Variants in LRIG2 observed in about 807,000 individuals in gnomAD.
The protein encoded by LRIG2 is leucine rich repeats and immunoglobulin like domains 2.
LRIG2 carries 93 observed loss-of-function variants against 107.8 expected under a neutral mutation model. That is an observed-to-expected ratio of 0.86 (90% CI 0.73 to 1.03). The LOEUF (loss-of-function observed/expected upper bound fraction) is 1.03, where lower values mean the gene tolerates loss of function less well. LRIG2 is among the 50% of genes least tolerant of loss of function. LRIG2 has a pLI of 0.00. For synonymous variants in LRIG2, 471 were observed against 470.6 expected, an observed-to-expected ratio of 1.00 and a Z score of -0.01; for missense variants, 1,226 against 1,296.0, an observed-to-expected ratio of 0.95 and a Z score of 0.83.
Position 113,114,508 on chromosome 1 carries a change from G to A in LRIG2, c.2162G>A (p.Gly721Glu). The A allele has an allele frequency of 3.7e-6, 6 of 1,613,872 alleles. No individual in the cohort carries two copies. The highest frequency in any genetic ancestry group is 1.6e-4 in the Middle Eastern group (1 of 6,062). Residue 721 changes from glycine (G) to glutamate (E), a missense_variant, in exon 15 of 18, where the codon GGG becomes GAG. Transcript: ENST00000361127. ...GCGGTGTTACAGTGCATAGCTGGAG[G>A]GAGTCCTGCCCCTCGTCTCAACTGG... ...ETAVLQCIAG[G>E]SPAPRLNWTK...
Position 113,116,443 on chromosome 1 carries a change from A to G in LRIG2, c.2680+7A>G, listed in dbSNP as rs201929988. The G allele has an allele frequency of 2.3e-4, 372 of 1,587,612 alleles. No individual in the cohort carries two copies. The African/African-American group carries it at 4.6e-3, about 19-fold the overall frequency. ...ATACACAAAGGCACTGACGGTAATG[A>G]CTCTGTTGTTTATGGTTACAATTTC... On this transcript the variant is annotated splice_region_variant and intron_variant, in intron 16 of 17. Transcript: ENST00000361127.
intron 17 of LRIG2, among the ~76,000 whole-genome samples, chr1:113,120,040 C>G (rs1439528247): frequency 2.0e-5 from 3 of 151,804 alleles, no homozygotes; most frequent in Middle Eastern, 3.2e-3. Context: ...GAACTCCTGA[C>G]CTCATGTGAT....
At position 113,131,849 on chromosome 1, in the gene LRIG2, T is replaced by A. The variant is rs1296736537; in HGVS notation, c.*7748T>A. The A allele has an allele frequency of 1.3e-5, 2 of 149,584 alleles. 1 individual carries two copies. Among genetic ancestry groups the A allele is most frequent in the South Asian group, 4.2e-4 (2 of 4,762 alleles). The allele number at this position is 149,584 out of a possible 1,614,324, so 9.3% of individuals were successfully genotyped here. On this transcript the variant is annotated 3_prime_UTR_variant, in exon 18 of 18. Transcript: ENST00000361127. ...GTGTGTGTGTGTGTGTGTGTGAAGA[T>A]GGAATAGGGTGAAGGTGAAGAAACA...
chr1:113,107,186 C>T (rs1248467742), intron 11 of LRIG2, among the ~76,000 whole-genome samples: 1 of 152,156 alleles, frequency 6.6e-6, no homozygotes, highest in Non-Finnish European at 1.5e-5. Flanking sequence ...AGAACAAGTA[C>T]ATTTTCTAAC....
intron 13 of LRIG2, among the ~76,000 whole-genome samples, chr1:113,111,867 G>A (rs1171842849): frequency 6.6e-6 from 1 of 152,138 alleles, no homozygotes; most frequent in Non-Finnish European, 1.5e-5. Context: ...GAGTGCAGTG[G>A]TGTGATCTCA....
intron 11 of LRIG2, among the ~76,000 whole-genome samples, chr1:113,105,303 G>A (rs944811549): frequency 5.3e-5 from 8 of 152,070 alleles, no homozygotes; most frequent in African/African-American, 1.7e-4. Context: ...CAGAGTATAC[G>A]GTATTCTCTC....
At chr1:113,121,742 CAA>C (rs57347974) in intron 17 of LRIG2, among the ~76,000 whole-genome samples, 2 of 118,208 alleles carry the variant, frequency 1.7e-5, no homozygotes, top group Non-Finnish European at 1.8e-5. Flanking sequence ...GACTCTGTCT[CAA>C]AAAAAAAAAA....
intron 12 of LRIG2, among the ~76,000 whole-genome samples, chr1:113,108,310 G>T (rs560602460): frequency 4.0e-5 from 6 of 149,836 alleles, no homozygotes; most frequent in Non-Finnish European, 8.9e-5. Context: ...TGCAACCTCT[G>T]CCTCCCGGGT....
At chr1:113,123,504 G>T (rs1655349116) in intron 17 of LRIG2, among the ~76,000 whole-genome samples, 1 of 152,190 alleles carries the variant, frequency 6.6e-6, no homozygotes, top group Non-Finnish European at 1.5e-5. Context: ...AACCCGGGAG[G>T]CGGAGGTTGC....
intron 17 of LRIG2, among the ~76,000 whole-genome samples, chr1:113,123,510 G>T (rs1490186306): frequency 6.6e-6 from 1 of 152,162 alleles, no homozygotes; most frequent in Non-Finnish European, 1.5e-5. Context: ...GGAGGCGGAG[G>T]TTGCGGTGAG....
At chr1:113,079,688 AAAAG>A (rs935061472) in intron 1 of LRIG2, among the ~76,000 whole-genome samples, 2 of 151,716 alleles carry the variant, frequency 1.3e-5, no homozygotes, top group Admixed American at 6.6e-5. Context: ...AAAAAAGAAA[AAAAG>A]AAAAGAAAAA....
At chr1:113,122,868 C>T (rs1015332635) in intron 17 of LRIG2, among the ~76,000 whole-genome samples, 1 of 152,220 alleles carries the variant, frequency 6.6e-6, no homozygotes, top group African/African-American at 2.4e-5. Flanking sequence ...AAACCCTGCT[C>T]TAGCTTACTT....
chr1:113,120,427 A>G (rs1000392300), intron 17 of LRIG2, among the ~76,000 whole-genome samples: 3 of 151,974 alleles, frequency 2.0e-5, no homozygotes, highest in Non-Finnish European at 4.4e-5. Context: ...CAGCCTGGGC[A>G]ACAGAGTGAG....
chr1:113,088,922 T>C (rs1175223312), intron 1 of LRIG2, among the ~76,000 whole-genome samples: 6 of 152,366 alleles, frequency 3.9e-5, no homozygotes, highest in East Asian at 3.9e-4. Context: ...TCTTTTATAT[T>C]TTCTGACACC....
intron 1 of LRIG2, among the ~76,000 whole-genome samples, chr1:113,080,836 G>GTTTTTT (rs1007236694): frequency 6.4e-4 from 54 of 84,580 alleles, no homozygotes; most frequent in East Asian, 1.1e-3. Context: ...AACACTAAAA[G>GTTTTTT]TTTTTTTTTT....
At chr1:113,111,674 A>G (rs914588307) in intron 13 of LRIG2, among the ~76,000 whole-genome samples, 2 of 152,204 alleles carry the variant, frequency 1.3e-5, no homozygotes, top group South Asian at 4.1e-4. Flanking sequence ...TGCCTATTAA[A>G]TTGAATAACT....
At chr1:113,118,750 C>T (rs1021734175) in intron 16 of LRIG2, among the ~76,000 whole-genome samples, 5 of 151,852 alleles carry the variant, frequency 3.3e-5, no homozygotes, top group African/African-American at 9.7e-5. Context: ...CTGCAAGCTC[C>T]GCCTCCCGGG....
At chr1:113,084,624 TA>T (rs1049402852) in intron 1 of LRIG2, among the ~76,000 whole-genome samples, 184 of 7,854 alleles carry the variant, frequency 0.023, no homozygotes, top group South Asian at 0.12. Context: ...ATTTTCCAAT[TA>T]AAACAAAATC....
At chr1:113,097,693 G>A (rs1654126172) in intron 8 of LRIG2, among the ~76,000 whole-genome samples, 1 of 152,210 alleles carries the variant, frequency 6.6e-6, no homozygotes, top group African/African-American at 2.4e-5. Context: ...GTAAATGGTT[G>A]TGTAGTGCCA....
Sources: gnomAD v4.1 joint callset for allele counts (sites outside exome capture counted in the v4.1 genomes callset) on GRCh38, gnomAD v4.1.1 for gene constraint, MANE v1.5 for transcripts, NCBI Gene and HGNC (gene_info 2026-07-23, HGNC 2026-07-21) for gene names.